Variants in RBM18 observed in about 807,000 individuals in gnomAD.
The protein encoded by RBM18 is probable RNA-binding protein 18.
A neutral mutation model predicts 26.4 loss-of-function variants in RBM18; 18 were observed. The ratio of observed to expected loss-of-function variants is 0.68; its 90% CI spans 0.47 to 1.01. The LOEUF (loss-of-function observed/expected upper bound fraction) is 1.01, where lower values mean the gene tolerates loss of function less well. RBM18 is among the 50% of genes least tolerant of loss of function. The pLI, the probability that RBM18 is intolerant of heterozygous loss-of-function variation, is 0.00. For missense variants in RBM18, 180 were observed against 219.2 expected, an observed-to-expected ratio of 0.82 and a Z score of 1.13; for synonymous variants, 74 against 81.1, an observed-to-expected ratio of 0.91 and a Z score of 0.47.
intron 1 of RBM18, among the ~76,000 whole-genome samples, chr9:122,261,931 A>C (rs1435655872): frequency 1.3e-5 from 2 of 150,616 alleles, no homozygotes; most frequent in Non-Finnish European, 3.0e-5. Flanking sequence ...TTCCTCATGG[A>C]AGAGGCAATA....
At chr9:122,257,763 T>A (rs1198604609) in intron 2 of RBM18, among the ~76,000 whole-genome samples, 2 of 152,234 alleles carry the variant, frequency 1.3e-5, no homozygotes, top group Non-Finnish European at 2.9e-5. Flanking sequence ...ATGGGAGACG[T>A]ATTCAAATCA....
At chr9:122,256,932 C>T (rs1053431756) in intron 2 of RBM18, among the ~76,000 whole-genome samples, 7 of 152,260 alleles carry the variant, frequency 4.6e-5, no homozygotes, top group Non-Finnish European at 1.0e-4. Context: ...TGACAGGAAT[C>T]AGAATATAGT....
chr9:122,239,799 T>C lies in RBM18; in HGVS notation c.*2085A>G, dbSNP rs1291646619. ...TTGCAATGGAAACAGCTGGTCTCTA[T>C]TCTCATCTCTAACAACAGAGGTAGG... On this transcript the variant is annotated 3_prime_UTR_variant, in exon 6 of 6. Coordinates refer to ENST00000417201, the MANE Select transcript of RBM18 (RefSeq NM_033117.4). 6.6e-6 allele frequency: 1 copy of C among 152,256 alleles called. No individual in the cohort carries two copies. 9.4% of individuals were successfully genotyped at this position (152,256 alleles called of 1,614,324 possible). A position where few individuals can be genotyped will look rare whatever the true frequency, so the allele number is the denominator to read the frequency against.
rs753650514 is a variant in RBM18, at chr9:122,247,511, G to C, written c.327+7C>G. The C allele has an allele frequency of 6.8e-6, 11 of 1,612,832 alleles. No homozygotes were observed. The highest frequency in any genetic ancestry group is 1.7e-5 in the Admixed American group (1 of 60,004). ...GGCTTGATGTCTTTCTAGCCTCTCA[G>C]ACGTACCTTTACTTGAGCATGTGCC... On this transcript the variant is annotated splice_region_variant and intron_variant, in intron 4 of 5. Transcript: ENST00000417201.
intron 5 of RBM18, 141 bp from the exon 6 acceptor site, chr9:122,242,184 A>G (rs1564454052): frequency 2.4e-6 from 2 of 820,536 alleles, no homozygotes; most frequent in Non-Finnish European, 3.7e-6. Context: ...TTTTATATAA[A>G]AGCCAGAAAT....
At chr9:122,245,702 G>A (rs1478024993) in intron 4 of RBM18, among the ~76,000 whole-genome samples, 1 of 151,986 alleles carries the variant, frequency 6.6e-6, no homozygotes, top group Non-Finnish European at 1.5e-5. Context: ...AACTGGCCAG[G>A]CGCGGTGGCT....
At chr9:122,243,619 G>C (rs1356961247) in intron 5 of RBM18, 6 of 582,360 alleles carry the variant, frequency 1.0e-5, no homozygotes, top group Non-Finnish European at 6.5e-6. Flanking sequence ...ATGCGTTAAT[G>C]GTCTATGGCC....
At chr9:122,242,124 T>C in intron 5 of RBM18, 81 bp from the exon 6 acceptor site, 1 of 1,375,896 alleles carries the variant, frequency 7.3e-7, no homozygotes, top group East Asian at 2.4e-5. Context: ...CTTGAGCCTC[T>C]TGGGAATATT....
At chr9:122,258,254 G>A (rs1831729768) in intron 2 of RBM18, among the ~76,000 whole-genome samples, 2 of 151,984 alleles carry the variant, frequency 1.3e-5, no homozygotes, top group African/African-American at 4.8e-5. Context: ...AGCTATGATT[G>A]GTAGTTCTTT....
Position 122,238,850 on chromosome 9 carries a change from A to G in RBM18, c.*3034T>C, listed in dbSNP as rs1377657852. The G allele has an allele frequency of 4.6e-5, 7 of 152,184 alleles. No homozygotes were observed. The East Asian group carries it at 1.3e-3, about 29-fold the overall frequency. The allele number at this position is 152,184 out of a possible 1,614,324, so 9.4% of individuals were successfully genotyped here. ...GGTATTGTAATAGTCCAGGGAAGAG[A>G]TGATGGTGGCTTTAAGAAAAATGGT... On this transcript the variant is annotated 3_prime_UTR_variant, in exon 6 of 6. Transcript: ENST00000417201.
chr9:122,245,344 GA>G lies in RBM18; in HGVS notation c.328-4del. The G allele has an allele frequency of 6.3e-7, 1 of 1,584,552 alleles. No individual in the cohort carries two copies. The highest frequency in any genetic ancestry group is 8.7e-7 in the Non-Finnish European group (1 of 1,153,792). On this transcript the variant is annotated splice_polypyrimidine_tract_variant and splice_region_variant and intron_variant, in intron 4 of 5. Transcript: ENST00000417201. ...TCATTCTTGTTATGATCATATCTCT[GA>G]AAATGAGAAATAGAGAAATTACTTC...
intron 4 of RBM18, among the ~76,000 whole-genome samples, chr9:122,246,005 C>A (rs1238476305): frequency 6.6e-6 from 1 of 151,926 alleles, no homozygotes; most frequent in Non-Finnish European, 1.5e-5. Context: ...AAACAAAAAA[C>A]CTTTAAATTT....
At chr9:122,257,943 G>C (rs957187509) in intron 2 of RBM18, among the ~76,000 whole-genome samples, 28 of 152,332 alleles carry the variant, frequency 1.8e-4, no homozygotes, top group African/African-American at 6.5e-4. Flanking sequence ...AGAGTCATTA[G>C]AAGTTTACAG....
At chr9:122,263,529 G>A (rs1235663091) in intron 1 of RBM18, among the ~76,000 whole-genome samples, 1 of 152,198 alleles carries the variant, frequency 6.6e-6, no homozygotes, top group Non-Finnish European at 1.5e-5. Flanking sequence ...TCAGAGCAGT[G>A]AACAAGCAAG....
chr9:122,251,717 T>G, intron 3 of RBM18, 130 bp downstream of exon 3: 1 of 767,476 alleles, frequency 1.3e-6, no homozygotes, highest in Admixed American at 2.5e-5. Flanking sequence ...GGACTCAGTG[T>G]AAGGCACACA....
At chr9:122,260,279 G>A (rs888381421) in intron 2 of RBM18, among the ~76,000 whole-genome samples, 3 of 152,136 alleles carry the variant, frequency 2.0e-5, no homozygotes, top group African/African-American at 7.2e-5. Flanking sequence ...CCAGGAGGTG[G>A]AGGTTGCAGT....
chr9:122,259,795 G>T (rs1316809658), intron 2 of RBM18, among the ~76,000 whole-genome samples: 1 of 152,080 alleles, frequency 6.6e-6, no homozygotes, highest in Non-Finnish European at 1.5e-5. Flanking sequence ...CCAGGTTCAA[G>T]CAATTTTCGC....
In RBM18 at chr9:122,241,882, C is replaced by G. The variant is rs2118947688; in HGVS notation, c.*2G>C. 1 of 1,611,696 alleles carries G rather than the reference C, an allele frequency of 6.2e-7. No homozygotes were observed. On this transcript the variant is annotated 3_prime_UTR_variant, in exon 6 of 6. Coordinates refer to ENST00000417201, the MANE Select transcript of RBM18 (RefSeq NM_033117.4). The stretch of plus-strand genomic sequence containing the variant: ...TTTTGCTGCTACAGTAATTCACAAC[C>G]ATCATCTTCGAGATTTCCATGCTGT...
At chr9:122,247,702 T>A in intron 3 of RBM18, 98 bp from the exon 4 acceptor site, 1 of 885,402 alleles carries the variant, frequency 1.1e-6, no homozygotes, top group Non-Finnish European at 1.8e-6. Context: ...GCTGAGTTTC[T>A]AACAAATTGT....
Sources: gnomAD v4.1 joint callset for allele counts (sites outside exome capture counted in the v4.1 genomes callset) on GRCh38, gnomAD v4.1.1 for gene constraint, MANE v1.5 for transcripts, NCBI Gene and HGNC (gene_info 2026-07-23, HGNC 2026-07-21) for gene names.